Variants in AGT observed in about 807,000 individuals in gnomAD.
AGT encodes the protein alpha-1 antiproteinase, antitrypsin.
In AGT, 26 loss-of-function variants were observed where a neutral mutation model predicts 28.1. That is an observed-to-expected ratio of 0.92 (90% CI 0.68 to 1.28). The LOEUF (loss-of-function observed/expected upper bound fraction) is 1.28, where lower values mean the gene tolerates loss of function less well. AGT is among the 50% of genes most tolerant of loss of function. The pLI is 0.00. For missense variants in AGT, 596 were observed against 592.3 expected (o/e 1.01, Z -0.06); for synonymous variants, 259 against 259.6 (o/e 1.00, Z 0.02).
At chr1:230,727,242 C>A (rs1663960280) in intron 1 of AGT, among the ~76,000 whole-genome samples, 1 of 152,208 alleles carries the variant, frequency 6.6e-6, no homozygotes, top group Non-Finnish European at 1.5e-5. Flanking sequence ...CTGCTCCAGA[C>A]ATTAATGACC....
At position 230,709,932 on chromosome 1, in the gene AGT, G is replaced by A. The variant is rs542190900; in HGVS notation, c.829+63C>T. The A allele has an allele frequency of 4.3e-6, 7 of 1,609,488 alleles. No individual in the cohort carries two copies. In the East Asian group the frequency reaches 1.1e-4, roughly 26 times the overall value. On this transcript the variant is annotated intron_variant, in intron 2 of 4. Coordinates refer to ENST00000366667, the MANE Select transcript of AGT (RefSeq NM_001384479.1). ...GCCCATCTCCAAGGCCTGACTGGCT[G>A]ATCTCAGCTACACATTGGATACTAA...
chr1:230,738,939 A>G (rs980362897), intron 1 of AGT, among the ~76,000 whole-genome samples: 2 of 152,160 alleles, frequency 1.3e-5, no homozygotes, highest in Non-Finnish European at 2.9e-5. Context: ...AAAAAATTAC[A>G]TCTCCTTCTG....
chr1:230,733,475 G>C (rs574640305), intron 1 of AGT, among the ~76,000 whole-genome samples: 4 of 152,262 alleles, frequency 2.6e-5, no homozygotes, highest in South Asian at 2.1e-4. Context: ...GGAGACTCCA[G>C]TGAGCGCCTT....
At chr1:230,743,866 C>A (rs1234799038) in intron 1 of AGT, among the ~76,000 whole-genome samples, 1 of 152,178 alleles carries the variant, frequency 6.6e-6, no homozygotes, top group Non-Finnish European at 1.5e-5. Context: ...AGAAGAGAAA[C>A]AAAGGGAGTT....
In AGT at chr1:230,710,383, G is replaced by T. The variant is rs1389760658; in HGVS notation, c.441C>A (p.Asp147Glu). Residue 147 changes from aspartate (D) to glutamate (E), a missense_variant, in exon 2 of 5, where the codon GAC becomes GAA. Physicochemically the swap from Asp to Glu is conservative, Grantham distance 45. Coordinates refer to ENST00000366667, the MANE Select transcript of AGT (RefSeq NM_001384479.1). The part of the protein sequence containing the change: ...LYLGALDHTA[D>E]RLQAILGVPW... The stretch of plus-strand genomic sequence containing the variant: ...GAACACCCAGGATTGCCTGTAGCCT[G>T]TCAGCTGTGTGGTCCAAGGCTCCCA... The T allele has an allele frequency of 6.2e-7, 1 of 1,614,110 alleles. No individual in the cohort carries two copies. The highest frequency in any genetic ancestry group is 8.5e-7 in the Non-Finnish European group (1 of 1,180,042).
At chr1:230,709,588 C>A (rs1055075103) in intron 2 of AGT, among the ~76,000 whole-genome samples, 1 of 152,148 alleles carries the variant, frequency 6.6e-6, no homozygotes, top group Non-Finnish European at 1.5e-5. Context: ...TGAACCTGAC[C>A]CTTCTGAGTG....
chr1:230,704,083 C>A, intron 4 of AGT, 110 bp downstream of exon 4: 2 of 1,551,410 alleles, frequency 1.3e-6, no homozygotes, highest in Middle Eastern at 3.4e-4. Flanking sequence ...TCCGCTCCCT[C>A]TTGCCCTGCT....
intron 1 of AGT, among the ~76,000 whole-genome samples, chr1:230,724,300 G>T (rs1195279142): frequency 6.6e-6 from 1 of 152,160 alleles, no homozygotes; most frequent in Non-Finnish European, 1.5e-5. Context: ...GTTAGCTATA[G>T]ACTTATATAT....
intron 1 of AGT, among the ~76,000 whole-genome samples, chr1:230,744,040 C>T (rs1199217201): frequency 1.3e-5 from 2 of 152,208 alleles, no homozygotes; most frequent in African/African-American, 2.4e-5. Flanking sequence ...ATGGCCCCCG[C>T]TTGGCTCAAA....
chr1:230,703,454 TC>T, intron 4 of AGT, 125 bp from the exon 5 acceptor site: 1 of 997,468 alleles, frequency 1.0e-6, no homozygotes, highest in Non-Finnish European at 1.5e-6. Context: ...GGGGACATTT[TC>T]CAGCCTGCCA....
chr1:230,715,479 C>A (rs1225243147), upstream of AGT, among the ~76,000 whole-genome samples: 2 of 152,170 alleles, frequency 1.3e-5, no homozygotes, highest in African/African-American at 4.8e-5. Flanking sequence ...CACCACTGCA[C>A]TCGAGCCTGG....
intron 1 of AGT, among the ~76,000 whole-genome samples, chr1:230,712,757 CT>C (rs1663632537): frequency 6.6e-6 from 1 of 152,216 alleles, no homozygotes. Context: ...CAGTTGTGAT[CT>C]GCGGCTGCTC....
At chr1:230,720,631 G>T (rs1663824547) in intron 1 of AGT, among the ~76,000 whole-genome samples, 1 of 152,212 alleles carries the variant, frequency 6.6e-6, no homozygotes, top group South Asian at 2.1e-4. Context: ...GCTTTCCTCT[G>T]ATTGATCCCC....
intron 1 of AGT, among the ~76,000 whole-genome samples, chr1:230,723,193 C>T (rs12042687): frequency 0.18 from 27,237 of 152,108 alleles, 3,245 homozygotes; most frequent in East Asian, 0.49. Context: ...AAAGATGGTG[C>T]CTCCTTCCCC....
intron 3 of AGT, among the ~76,000 whole-genome samples, chr1:230,705,092 G>A (rs558041489): frequency 1.7e-4 from 26 of 152,220 alleles, no homozygotes; most frequent in Non-Finnish European, 3.5e-4. Context: ...GGGGCCAAGG[G>A]GAAGGGGAAA....
intron 1 of AGT, among the ~76,000 whole-genome samples, chr1:230,743,522 C>T (rs1277216088): frequency 6.6e-6 from 1 of 152,240 alleles, no homozygotes; most frequent in East Asian, 1.9e-4. Context: ...ACCTGGACAC[C>T]TGTGCAGGTC....
intron 1 of AGT, among the ~76,000 whole-genome samples, chr1:230,741,215 C>T (rs977508553): frequency 5.9e-5 from 9 of 152,230 alleles, no homozygotes; most frequent in African/African-American, 2.2e-4. Context: ...ACAATTTCAA[C>T]GGTGTCACCT....
Position 230,703,439 on chromosome 1 carries a change from T to C in AGT, c.1243-110A>G, listed in dbSNP as rs904454375. On this transcript the variant is annotated intron_variant, in intron 4 of 4. Coordinates refer to ENST00000366667, the MANE Select transcript of AGT (RefSeq NM_001384479.1). Reference sequence around the variant, plus strand: ...AGGACCTCTGTGCTGTGCACTGTCCTGGAGGGGGACATTTTCCAGCCTGCC... The same window carrying C: ...AGGACCTCTGTGCTGTGCACTGTCCCGGAGGGGGACATTTTCCAGCCTGCC... 1.1e-5 allele frequency: 13 copies of C among 1,146,050 alleles called. No homozygotes were observed. The African/African-American group carries it at 1.5e-4, about 13-fold the overall frequency. 71.0% of individuals were successfully genotyped at this position (1,146,050 alleles called of 1,614,324 possible). A position where few individuals can be genotyped will look rare whatever the true frequency, so the allele number is the denominator to read the frequency against.
intron 1 of AGT, among the ~76,000 whole-genome samples, chr1:230,739,835 T>C (rs754536146): frequency 3.9e-5 from 6 of 152,098 alleles, no homozygotes; most frequent in Non-Finnish European, 8.8e-5. Flanking sequence ...TGGGGAAAAG[T>C]GGACCTGTTA....
Sources: gnomAD v4.1 joint callset for allele counts (sites outside exome capture counted in the v4.1 genomes callset) on GRCh38, gnomAD v4.1.1 for gene constraint, MANE v1.5 for transcripts, NCBI Gene and HGNC (gene_info 2026-07-23, HGNC 2026-07-21) for gene names.